Variants in NEDD9 observed in about 807,000 individuals in gnomAD.
NEDD9 encodes enhancer of filamentation 1.
NEDD9 carries 26 observed loss-of-function variants against 76.6 expected under a neutral mutation model. The observed-to-expected ratio is 0.34, with a 90% CI of 0.25 to 0.47. The LOEUF is 0.47. NEDD9 is among the 20% of genes least tolerant of loss of function. NEDD9 has a pLI of 1.00. For missense variants in NEDD9, 937 were observed against 1,058.5 expected, an observed-to-expected ratio of 0.89 and a Z score of 1.59; for synonymous variants, 392 against 414.2, an observed-to-expected ratio of 0.95 and a Z score of 0.65.
intron 3 of NEDD9, among the ~76,000 whole-genome samples, chr6:11,265,589 C>A (rs991348362): frequency 1.3e-5 from 2 of 152,150 alleles, no homozygotes; most frequent in Non-Finnish European, 2.9e-5. Flanking sequence ...AGACTGGTCA[C>A]CTTTTTACAG....
intron 2 of NEDD9, among the ~76,000 whole-genome samples, chr6:11,196,330 CAAAA>C (rs201738015): frequency 6.6e-6 from 1 of 151,950 alleles, no homozygotes; most frequent in African/African-American, 2.4e-5. Flanking sequence ...AACAAACAAA[CAAAA>C]AACCCAGAAG....
chr6:11,316,954 C>T (rs575557549), intron 2 of NEDD9, among the ~76,000 whole-genome samples: 6 of 152,192 alleles, frequency 3.9e-5, no homozygotes, highest in South Asian at 2.1e-4. Flanking sequence ...AATTTGAATG[C>T]GGCATGTTAA....
chr6:11,353,084 A>G (rs1166796711), intron 1 of NEDD9, among the ~76,000 whole-genome samples: 2 of 152,254 alleles, frequency 1.3e-5, no homozygotes, highest in East Asian at 3.8e-4. Flanking sequence ...TCGGGGTCCC[A>G]GGCTCTTTCT....
chr6:11,357,329 C>T (rs573933009), intron 1 of NEDD9, among the ~76,000 whole-genome samples: 6 of 152,262 alleles, frequency 3.9e-5, no homozygotes, highest in African/African-American at 4.8e-5. Flanking sequence ...TTTTCTTCTC[C>T]GTTGGTGCTG....
chr6:11,185,039 G>A lies in NEDD9; in HGVS notation c.*123C>T. 8.0e-7 allele frequency: 1 copy of A among 1,246,558 alleles called. No homozygotes were observed. The highest frequency in any genetic ancestry group is 1.1e-6 in the Non-Finnish European group (1 of 931,628). The allele number at this position is 1,246,558 out of a possible 1,614,324, so 77.2% of individuals were successfully genotyped here. On this transcript the variant is annotated 3_prime_UTR_variant, in exon 7 of 7. Transcript: ENST00000379446. ...CTGAAAGTTGACTGACCCATAAAAT[G>A]TTAAAATATTTCATTTTTATATAAA... is the stretch of plus-strand genomic sequence containing the variant.
At chr6:11,262,947 A>G (rs1443823714) in intron 3 of NEDD9, among the ~76,000 whole-genome samples, 1 of 152,226 alleles carries the variant, frequency 6.6e-6, no homozygotes, top group Non-Finnish European at 1.5e-5. Context: ...ATAGAAAATG[A>G]GTTATTCAAT....
chr6:11,316,789 AC>A (rs1761577537), intron 2 of NEDD9, among the ~76,000 whole-genome samples: 1 of 152,212 alleles, frequency 6.6e-6, no homozygotes, highest in Non-Finnish European at 1.5e-5. Context: ...AGCAAGGAGA[AC>A]CGAAAGAGCA....
intron 1 of NEDD9, among the ~76,000 whole-genome samples, chr6:11,375,256 T>G (rs1335654144): frequency 1.3e-5 from 2 of 152,212 alleles, no homozygotes; most frequent in Non-Finnish European, 2.9e-5. Context: ...CTCAGAAATA[T>G]CATGTTGACC....
intron 3 of NEDD9, among the ~76,000 whole-genome samples, chr6:11,279,501 C>T (rs1047720310): frequency 2.0e-5 from 3 of 152,198 alleles, no homozygotes; most frequent in Non-Finnish European, 4.4e-5. Flanking sequence ...CTGCGGTCTC[C>T]CGGTTGTTAT....
intron 1 of NEDD9, among the ~76,000 whole-genome samples, chr6:11,227,930 A>G (rs9380149): frequency 0.74 from 113,078 of 151,796 alleles, 42,407 homozygotes; most frequent in East Asian, 0.85. Flanking sequence ...CTGACAGGCC[A>G]CTCAAGTCAT....
chr6:11,239,284 C>T (rs1336667333), intron 3 of NEDD9, among the ~76,000 whole-genome samples: 2 of 152,146 alleles, frequency 1.3e-5, no homozygotes, highest in South Asian at 2.1e-4. Context: ...GTTTCTTTTC[C>T]GCAATGAGAT....
At chr6:11,293,227 C>A (rs1760817771) in intron 3 of NEDD9, among the ~76,000 whole-genome samples, 1 of 150,986 alleles carries the variant, frequency 6.6e-6, no homozygotes. Context: ...TTGCAACAGT[C>A]CAATAAGATG....
At chr6:11,380,979 G>T (rs2113584070) in intron 1 of NEDD9, among the ~76,000 whole-genome samples, 1 of 152,206 alleles carries the variant, frequency 6.6e-6, no homozygotes, top group African/African-American at 2.4e-5. Flanking sequence ...CAGCTATCTT[G>T]TTTAAGTGGT....
chr6:11,261,580 C>G (rs1174360046), intron 3 of NEDD9, among the ~76,000 whole-genome samples: 3 of 152,186 alleles, frequency 2.0e-5, no homozygotes, highest in Non-Finnish European at 4.4e-5. Context: ...AATCATTGCT[C>G]TCAAAGAACA....
chr6:11,201,336 G>A (rs1419616897), intron 2 of NEDD9, among the ~76,000 whole-genome samples: 2 of 152,212 alleles, frequency 1.3e-5, no homozygotes, highest in Non-Finnish European at 2.9e-5. Flanking sequence ...CCCACAGCAA[G>A]CCTCATATCC....
chr6:11,228,186 A>G (rs1426745279), intron 1 of NEDD9, among the ~76,000 whole-genome samples: 1 of 152,064 alleles, frequency 6.6e-6, no homozygotes, highest in Non-Finnish European at 1.5e-5. Context: ...AAGAAGAAGA[A>G]GAAGATAAAA....
At chr6:11,284,491 G>A (rs1411496515) in intron 3 of NEDD9, among the ~76,000 whole-genome samples, 3 of 151,524 alleles carry the variant, frequency 2.0e-5, no homozygotes, top group Admixed American at 6.6e-5. Context: ...GCGTGAACCC[G>A]GGAGGTGGAT....
intron 2 of NEDD9, among the ~76,000 whole-genome samples, chr6:11,314,085 C>A (rs958040122): frequency 6.6e-6 from 1 of 152,056 alleles, no homozygotes; most frequent in Admixed American, 6.6e-5. Flanking sequence ...TTAAAGACAC[C>A]CTTATAAAAC....
At chr6:11,248,123 G>A (rs902271631) in intron 3 of NEDD9, among the ~76,000 whole-genome samples, 1 of 151,246 alleles carries the variant, frequency 6.6e-6, no homozygotes, top group Non-Finnish European at 1.5e-5. Context: ...AAAGTTTCAG[G>A]GTGCCATTTT....
Sources: allele counts gnomAD v4.1 joint callset (sites outside exome capture counted in the v4.1 genomes callset), GRCh38; gene constraint gnomAD v4.1.1; transcripts MANE v1.5; gene names NCBI Gene and HGNC (gene_info 2026-07-23, HGNC 2026-07-21).